ITSN1: variants seen among roughly 807,000 people sequenced by gnomAD.
The protein encoded by ITSN1 is intersectin 1, also known as intersectin-1.
ITSN1 carries 58 observed loss-of-function variants against 239.8 expected under a neutral mutation model. That is an observed-to-expected ratio of 0.24 (90% CI 0.20 to 0.30). The LOEUF is 0.30. Ranked by LOEUF, ITSN1 falls within the 10% of genes least tolerant of loss-of-function variation. The probability of loss-of-function intolerance (pLI) is 1.00; values close to 1 mark genes in which losing one functional copy is unlikely to be tolerated. For missense variants in ITSN1, 1,558 were observed against 2,103.3 expected (o/e 0.74, Z 5.07); for synonymous variants, 780 against 770.8 (o/e 1.01, Z -0.20).
chr21:33,859,211 C>G (rs768057427), intron 31 of ITSN1, among the ~76,000 whole-genome samples: 40 of 152,214 alleles, frequency 2.6e-4, no homozygotes, highest in Admixed American at 1.3e-4. Flanking sequence ...AAATGTGGAA[C>G]TGTTCACTGC....
chr21:33,662,109 A>G (rs1207273733), intron 1 of ITSN1, among the ~76,000 whole-genome samples: 1 of 151,534 alleles, frequency 6.6e-6, no homozygotes, highest in African/African-American at 2.4e-5. Flanking sequence ...TTCCTCTTCT[A>G]TTTCTCTTCC....
chr21:33,789,318 G>C (rs1437960041), intron 16 of ITSN1, among the ~76,000 whole-genome samples: 1 of 152,102 alleles, frequency 6.6e-6, no homozygotes, highest in Non-Finnish European at 1.5e-5. Context: ...TCTGATGCTG[G>C]TAGCTACATC....
At chr21:33,699,009 T>G (rs1277021444) in intron 1 of ITSN1, among the ~76,000 whole-genome samples, 3 of 152,204 alleles carry the variant, frequency 2.0e-5, no homozygotes, top group East Asian at 3.8e-4. Flanking sequence ...GGGGTATCTT[T>G]TAATTGTTTT....
At position 33,888,631 on chromosome 21, in the gene ITSN1, T is replaced by G. The variant is rs967673927; in HGVS notation, c.*331T>G. On this transcript the variant is annotated 3_prime_UTR_variant, in exon 40 of 40. Coordinates refer to ENST00000381318, the MANE Select transcript of ITSN1 (RefSeq NM_003024.3). ...CCCGGGCTTGAGGGATGGGTCTGGT[T>G]ACTATAAAATAGATTTATAAATGCA... 2.1e-5 allele frequency: 4 copies of G among 192,474 alleles called. No individual in the cohort carries two copies. The highest frequency in any genetic ancestry group is 9.3e-5 in the African/African-American group (4 of 42,998). The allele number at this position is 192,474 out of a possible 1,614,324, so 11.9% of individuals were successfully genotyped here. A position where few individuals can be genotyped will look rare whatever the true frequency, so the allele number is the denominator to read the frequency against.
At chr21:33,654,219 ATTTTTTTTTTT>A (rs912312736) in intron 1 of ITSN1, among the ~76,000 whole-genome samples, 1 of 133,344 alleles carries the variant, frequency 7.5e-6, no homozygotes, top group Non-Finnish European at 1.6e-5. Context: ...CACCTGGCTA[ATTTTTTTTTTT>A]TTTTTTTTGG....
At chr21:33,802,852 G>A (rs975150222) in intron 20 of ITSN1, among the ~76,000 whole-genome samples, 1 of 152,126 alleles carries the variant, frequency 6.6e-6, no homozygotes, top group African/African-American at 2.4e-5. Flanking sequence ...ACCAGAAGTC[G>A]TTAAGAGGCA....
chr21:33,788,853 A>G (rs1367470089), intron 16 of ITSN1, among the ~76,000 whole-genome samples: 2 of 152,208 alleles, frequency 1.3e-5, no homozygotes, highest in Non-Finnish European at 2.9e-5. Flanking sequence ...CAGGAGGCTG[A>G]GGTGGGAGGA....
intron 20 of ITSN1, 54 bp from the exon 21 acceptor site, chr21:33,810,921 G>A: frequency 6.2e-7 from 1 of 1,609,738 alleles, no homozygotes; most frequent in East Asian, 2.2e-5. Context: ...GTTGGGTGCT[G>A]GGTCTATTCA....
chr21:33,695,242 ATTAAAC>A (rs1479360692), intron 1 of ITSN1, among the ~76,000 whole-genome samples: 3 of 152,238 alleles, frequency 2.0e-5, no homozygotes, highest in African/African-American at 7.2e-5. Context: ...AGATATCTGT[ATTAAAC>A]TTATTTATTT....
At chr21:33,863,398 A>T (rs1448995009) in intron 31 of ITSN1, among the ~76,000 whole-genome samples, 1 of 152,194 alleles carries the variant, frequency 6.6e-6, no homozygotes, top group Non-Finnish European at 1.5e-5. Flanking sequence ...GCTCATGCCT[A>T]TAATCCCAGC....
chr21:33,836,930 C>A, intron 29 of ITSN1: 1 of 1,465,646 alleles, frequency 6.8e-7, no homozygotes, highest in Non-Finnish European at 9.5e-7. Flanking sequence ...ATTTTCCTAG[C>A]TTGAATTTTG....
At chr21:33,791,170 T>TG (rs368232798) in intron 16 of ITSN1, among the ~76,000 whole-genome samples, 336 of 152,318 alleles carry the variant, frequency 2.2e-3, no homozygotes, top group African/African-American at 7.1e-3. Flanking sequence ...AGTAAACTCT[T>TG]TAAGTCCAAG....
intron 38 of ITSN1, 50 bp downstream of exon 38, chr21:33,885,572 T>C (rs1366649313): frequency 1.4e-6 from 2 of 1,440,620 alleles, no homozygotes; most frequent in South Asian, 2.3e-5. Context: ...GGGAGTAGGG[T>C]CCGGGTTCCC....
chr21:33,727,019 A>G (rs1340014304), intron 4 of ITSN1, among the ~76,000 whole-genome samples: 1 of 152,182 alleles, frequency 6.6e-6, no homozygotes, highest in African/African-American at 2.4e-5. Flanking sequence ...TTTCAACTGT[A>G]ATCTGTTAAT....
At chr21:33,771,729 A>G (rs1266582395) in intron 11 of ITSN1, among the ~76,000 whole-genome samples, 1 of 152,208 alleles carries the variant, frequency 6.6e-6, no homozygotes, top group Non-Finnish European at 1.5e-5. Context: ...ACAGAGACTC[A>G]TGGTCCAGAA....
intron 16 of ITSN1, among the ~76,000 whole-genome samples, chr21:33,791,068 A>AT (rs1343074294): frequency 6.6e-6 from 1 of 152,190 alleles, no homozygotes; most frequent in Admixed American, 6.5e-5. Flanking sequence ...ATATTTCTTC[A>AT]TTCTATAGAT....
At chr21:33,879,923 G>T (rs1984625847) in intron 34 of ITSN1, among the ~76,000 whole-genome samples, 1 of 152,214 alleles carries the variant, frequency 6.6e-6, no homozygotes, top group African/African-American at 2.4e-5. Flanking sequence ...CAGGTGATCT[G>T]CCCACCTCGG....
At chr21:33,720,553 T>A (rs950968630) in intron 2 of ITSN1, among the ~76,000 whole-genome samples, 7 of 152,100 alleles carry the variant, frequency 4.6e-5, no homozygotes, top group Non-Finnish European at 7.4e-5. Context: ...TATCAGGACA[T>A]CCCCTGCCCT....
intron 31 of ITSN1, among the ~76,000 whole-genome samples, chr21:33,860,329 A>G (rs914726088): frequency 2.5e-4 from 38 of 151,812 alleles, no homozygotes; most frequent in Admixed American, 7.9e-4. Context: ...AAAAAAAAAA[A>G]AAAGAAAAGA....
Sources: allele counts gnomAD v4.1 joint callset (sites outside exome capture counted in the v4.1 genomes callset), GRCh38; gene constraint gnomAD v4.1.1; transcripts MANE v1.5; gene names NCBI Gene and HGNC (gene_info 2026-07-23, HGNC 2026-07-21).